The following GABRD variants were observed in gnomAD, a reference collection of about 807,000 sequenced individuals.
GABRD encodes the protein gamma-aminobutyric acid receptor subunit delta.
GABRD carries 25 observed loss-of-function variants against 47.3 expected under a neutral mutation model. The ratio of observed to expected loss-of-function variants is 0.53; its 90% CI spans 0.39 to 0.74. The LOEUF is 0.74. Ranked by LOEUF, GABRD falls within the 30% of genes least tolerant of loss-of-function variation. The pLI is 0.00. For synonymous variants in GABRD, 314 were observed against 278.8 expected, an observed-to-expected ratio of 1.13 and a Z score of -1.26; for missense variants, 497 against 643.4, an observed-to-expected ratio of 0.77 and a Z score of 2.46.
rs868634453 is a variant in GABRD, at chr1:2,019,508, C to G, written c.68+17C>G. 6.3e-4 allele frequency: 692 copies of G among 1,098,548 alleles called. 2 individuals are homozygous for G. The highest frequency in any genetic ancestry group is 2.4e-3 in the Middle Eastern group (6 of 2,512). The allele number at this position is 1,098,548 out of a possible 1,614,324, so 68.1% of individuals were successfully genotyped here. ...CGGCACCAGGTGAGCGGGCGGGGTCCGCGCGGCGCGGGGTCGGGGGCGGTG... is the reference window on the plus strand; with the variant it reads ...CGGCACCAGGTGAGCGGGCGGGGTCGGCGCGGCGCGGGGTCGGGGGCGGTG... On this transcript the variant is annotated intron_variant, in intron 1 of 8. Coordinates refer to ENST00000378585, the MANE Select transcript of GABRD (RefSeq NM_000815.5).
chr1:2,025,452 G>A (rs746967044), intron 3 of GABRD, 51 bp downstream of exon 3: 40 of 1,611,908 alleles, frequency 2.5e-5, no homozygotes, highest in Non-Finnish European at 3.4e-5. Context: ...CACAGCCTCT[G>A]CCCTGGGCTG....
chr1:2,025,783 G>T, intron 4 of GABRD, 45 bp downstream of exon 4: 1 of 1,543,054 alleles, frequency 6.5e-7, no homozygotes, highest in Non-Finnish European at 8.9e-7. Context: ...GCCTGCCCGG[G>T]CCAAGCGTCG....
chr1:2,019,992 G>A (rs573136542), intron 1 of GABRD, among the ~76,000 whole-genome samples: 6 of 152,244 alleles, frequency 3.9e-5, no homozygotes, highest in Non-Finnish European at 2.9e-5. Context: ...CGCTGTGGAG[G>A]GTGGGCCCGG....
At chr1:2,027,930 G>A in intron 5 of GABRD, 1 of 614,370 alleles carries the variant, frequency 1.6e-6, no homozygotes, top group South Asian at 1.9e-5. Flanking sequence ...CAGCCCCTGT[G>A]TGTCACCTGA....
At chr1:2,022,719 C>T (rs1658813886) in intron 1 of GABRD, among the ~76,000 whole-genome samples, 1 of 152,222 alleles carries the variant, frequency 6.6e-6, no homozygotes, top group South Asian at 2.1e-4. Context: ...ACTTTGTTAC[C>T]AAAGTGCCTG....
intron 4 of GABRD, 151 bp from the exon 5 acceptor site, chr1:2,027,426 C>G (rs1658956542): frequency 1.1e-5 from 8 of 704,582 alleles, no homozygotes; most frequent in Non-Finnish European, 1.6e-5. Flanking sequence ...TGAGCAGTTT[C>G]CAGGTTTACC....
intron 4 of GABRD, 132 bp downstream of exon 4, chr1:2,025,870 G>C (rs1009966197): frequency 3.7e-5 from 26 of 704,702 alleles, no homozygotes; most frequent in South Asian, 7.3e-5. Context: ...CGGAGGGGGG[G>C]GCAGAAGCTG....
At position 2,025,447 on chromosome 1, in the gene GABRD, C is replaced by T. The variant is rs758319768; in HGVS notation, c.249+46C>T. 2.5e-6 allele frequency: 4 copies of T among 1,611,932 alleles called. No homozygotes were observed. The East Asian group carries it at 8.9e-5, about 36-fold the overall frequency. On this transcript the variant is annotated intron_variant, in intron 3 of 8. Coordinates refer to ENST00000378585, the MANE Select transcript of GABRD (RefSeq NM_000815.5). ...CCTCAGGCACGGTGGGTGCCCACAG[C>T]CTCTGCCCTGGGCTGCATGCCCCTG...
At position 2,025,388 on chromosome 1, in the gene GABRD, C is replaced by T. The variant is rs976573230; in HGVS notation, c.236C>T (p.Ser79Leu). Residue 79 changes from serine to leucine, a missense_variant, in exon 3 of 9, where the codon TCA (serine) becomes TTA (leucine). Coordinates refer to ENST00000378585, the MANE Select transcript of GABRD (RefSeq NM_000815.5). Reference sequence around the variant, plus strand: ...GAGGTGGCCAGCATCGACCACATCTCAGAGGCCAACATGGTAGGTGCCACC... The same window carrying T: ...GAGGTGGCCAGCATCGACCACATCTTAGAGGCCAACATGGTAGGTGCCACC... ...ALEVASIDHI[S>L]EANMEYTMTV... 1.2e-6 allele frequency: 2 copies of T among 1,613,030 alleles called. No individual in the cohort carries two copies. The highest frequency in any genetic ancestry group is 1.7e-6 in the Non-Finnish European group (2 of 1,179,990).
At chr1:2,029,004 T>C (rs1659008480) in intron 6 of GABRD, 107 bp from the exon 7 acceptor site, 2 of 1,406,658 alleles carry the variant, frequency 1.4e-6, no homozygotes, top group Non-Finnish European at 1.9e-6. Context: ...AAGTCTCTCT[T>C]CTGAGCCCTG....
At chr1:2,021,312 G>GGTCT (rs1658764201) in intron 1 of GABRD, among the ~76,000 whole-genome samples, 2 of 152,232 alleles carry the variant, frequency 1.3e-5, no homozygotes, top group Non-Finnish European at 2.9e-5. Flanking sequence ...AGGCCTGGAG[G>GGTCT]GTCTCCCCAG....
intron 2 of GABRD, 125 bp from the exon 3 acceptor site, chr1:2,025,209 C>A: frequency 7.6e-7 from 1 of 1,318,582 alleles, no homozygotes; most frequent in South Asian, 1.2e-5. Flanking sequence ...CAGAGACAGC[C>A]AGGGAGGTGC....
In GABRD at chr1:2,029,869, G is replaced by A. The variant is rs563580362; in HGVS notation, c.1059+107G>A. 3.4e-4 allele frequency: 507 copies of A among 1,510,784 alleles called. 3 individuals carry two copies. The African/African-American group carries it at 6.4e-3, about 19-fold the overall frequency. The allele number at this position is 1,510,784 out of a possible 1,614,324, so 93.6% of individuals were successfully genotyped here. ...TCCCAGCTGTGCTCCCTGAGCGTGGGGGGCTGGAGCTGCTGGTCCAGGCGG... is the reference window on the plus strand; with the variant it reads ...TCCCAGCTGTGCTCCCTGAGCGTGGAGGGCTGGAGCTGCTGGTCCAGGCGG... On this transcript the variant is annotated intron_variant, in intron 8 of 8. Transcript: ENST00000378585.
At chr1:2,025,274 C>T in intron 2 of GABRD, 60 bp from the exon 3 acceptor site, 1 of 1,591,440 alleles carries the variant, frequency 6.3e-7, no homozygotes, top group Non-Finnish European at 8.6e-7. Context: ...GGCAGGGTCC[C>T]ATCGTGGCTC....
intron 2 of GABRD, 110 bp downstream of exon 2, chr1:2,025,164 C>T: frequency 6.3e-6 from 8 of 1,270,090 alleles, no homozygotes; most frequent in Non-Finnish European, 7.8e-6. Context: ...AAGCCTGGCT[C>T]TCCCCTGGGG....
Position 2,028,384 on chromosome 1 carries a change from G to T in GABRD, c.691+92G>T. ...TCCGCGCGCGCCCACCGCCCCTTCC[G>T]CGTGCGCCCGCCTGTGGTTTTCATG... On this transcript the variant is annotated intron_variant, in intron 6 of 8. Coordinates refer to ENST00000378585, the MANE Select transcript of GABRD (RefSeq NM_000815.5). The surrounding 1 kb of genome is among the most constrained non-coding windows in gnomAD (Gnocchi z 6.4). 1 of 1,272,608 alleles carries T rather than the reference G, an allele frequency of 7.9e-7. No individual in the cohort carries two copies. The highest frequency in any genetic ancestry group is 1.0e-6 in the Non-Finnish European group (1 of 990,930). The allele number at this position is 1,272,608 out of a possible 1,614,324, so 78.8% of individuals were successfully genotyped here. A position where few individuals can be genotyped will look rare whatever the true frequency, so the allele number is the denominator to read the frequency against.
chr1:2,028,923 T>C lies in GABRD; in HGVS notation c.692-188T>C, dbSNP rs1200008328. On this transcript the variant is annotated intron_variant, in intron 6 of 8. Transcript: ENST00000378585. The surrounding 1 kb of genome is among the most constrained non-coding windows in gnomAD (Gnocchi z 6.4). The stretch of plus-strand genomic sequence containing the variant: ...GACACTGCTCAGGACCAGCCTGTCC[T>C]GTGGCCAGACCTAGGGCCGGAGGCC... The C allele has an allele frequency of 4.5e-6, 3 of 670,628 alleles. No individual in the cohort carries two copies. Among genetic ancestry groups the C allele is most frequent in the African/African-American group, 3.6e-5 (2 of 55,162 alleles). 41.5% of individuals were successfully genotyped at this position (670,628 alleles called of 1,614,324 possible).
chr1:2,021,261 CAT>C (rs957101272), intron 1 of GABRD, among the ~76,000 whole-genome samples: 4 of 152,244 alleles, frequency 2.6e-5, no homozygotes, highest in Non-Finnish European at 4.4e-5. Context: ...TGTCCACACA[CAT>C]GTGCTGGGCT....
chr1:2,025,480 A>G (rs373729382), intron 3 of GABRD, 38 bp from the exon 4 acceptor site: 1 of 1,610,418 alleles, frequency 6.2e-7, no homozygotes, highest in Non-Finnish European at 8.5e-7. Flanking sequence ...CTGGGGGTGG[A>G]GCAAGGCTGA....
Sources: allele counts gnomAD v4.1 joint callset (sites outside exome capture counted in the v4.1 genomes callset), GRCh38; gene constraint gnomAD v4.1.1; non-coding constraint Gnocchi (gnomAD v3.1); transcripts MANE v1.5; gene names NCBI Gene and HGNC (gene_info 2026-07-23, HGNC 2026-07-21).